ARHGAP15: variants seen among roughly 807,000 people sequenced by gnomAD.
ARHGAP15 encodes rho GTPase-activating protein 15.
ARHGAP15 carries 51 observed loss-of-function variants against 63.7 expected under a neutral mutation model. The ratio of observed to expected loss-of-function variants is 0.80; its 90% CI spans 0.64 to 1.01. ARHGAP15 has a LOEUF of 1.01. ARHGAP15 is among the 50% of genes least tolerant of loss of function. ARHGAP15 has a pLI of 0.00. For synonymous variants in ARHGAP15, 191 were observed against 193.8 expected (o/e 0.99, Z 0.12); for missense variants, 560 against 564.6 (o/e 0.99, Z 0.08).
At chr2:143,265,967 G>A (rs948275139) in intron 6 of ARHGAP15, among the ~76,000 whole-genome samples, 1 of 151,864 alleles carries the variant, frequency 6.6e-6, no homozygotes, top group Non-Finnish European at 1.5e-5. Flanking sequence ...GTTAACTTCA[G>A]GAATAGAAAC....
intron 2 of ARHGAP15, among the ~76,000 whole-genome samples, chr2:143,185,006 T>G (rs1415053106): frequency 6.6e-6 from 1 of 152,162 alleles, no homozygotes; most frequent in African/African-American, 2.4e-5. Flanking sequence ...CTACAGAAAT[T>G]ACTCAAGAAA....
At chr2:143,315,879 G>GT (rs1683678851) in intron 6 of ARHGAP15, among the ~76,000 whole-genome samples, 1 of 142,348 alleles carries the variant, frequency 7.0e-6, no homozygotes, top group African/African-American at 3.1e-5. Context: ...GAAGTCAGGA[G>GT]TTCAAGATCA....
At chr2:143,670,593 C>G (rs1364928475) in intron 12 of ARHGAP15, among the ~76,000 whole-genome samples, 1 of 152,138 alleles carries the variant, frequency 6.6e-6, no homozygotes, top group Non-Finnish European at 1.5e-5. Context: ...TGGCATCCTG[C>G]TCTTTGTTCA....
At chr2:143,610,075 T>C (rs1447639684) in intron 11 of ARHGAP15, among the ~76,000 whole-genome samples, 1 of 152,028 alleles carries the variant, frequency 6.6e-6, no homozygotes, top group Non-Finnish European at 1.5e-5. Context: ...TCGAGTATAC[T>C]AGTATAATGG....
intron 11 of ARHGAP15, among the ~76,000 whole-genome samples, chr2:143,606,551 A>G (rs1167302183): frequency 1.3e-5 from 2 of 152,190 alleles, no homozygotes; most frequent in Non-Finnish European, 2.9e-5. Flanking sequence ...AGAGTAGTTA[A>G]AAGTAAAATG....
At chr2:143,436,072 TATA>T (rs777830602) in intron 7 of ARHGAP15, among the ~76,000 whole-genome samples, 23 of 152,160 alleles carry the variant, frequency 1.5e-4, no homozygotes, top group South Asian at 2.1e-4. Context: ...GACTCACTGT[TATA>T]ATACCAATAA....
intron 6 of ARHGAP15, among the ~76,000 whole-genome samples, chr2:143,312,828 T>C (rs1325252627): frequency 6.6e-6 from 1 of 152,190 alleles, no homozygotes; most frequent in Non-Finnish European, 1.5e-5. Flanking sequence ...ATTGCCATTG[T>C]AGTTAACAAA....
At chr2:143,730,537 G>T (rs1685480781) in intron 13 of ARHGAP15, among the ~76,000 whole-genome samples, 1 of 152,134 alleles carries the variant, frequency 6.6e-6, no homozygotes, top group Non-Finnish European at 1.5e-5. Context: ...TTCTGAAAAT[G>T]AGTGAACTAA....
intron 6 of ARHGAP15, among the ~76,000 whole-genome samples, chr2:143,333,781 T>A (rs1574291723): frequency 6.6e-6 from 1 of 152,096 alleles, no homozygotes; most frequent in Non-Finnish European, 1.5e-5. Context: ...TCGGGAAATA[T>A]AGATATAGAA....
intron 13 of ARHGAP15, among the ~76,000 whole-genome samples, chr2:143,735,883 G>A (rs1416278575): frequency 6.6e-6 from 1 of 152,168 alleles, no homozygotes; most frequent in Non-Finnish European, 1.5e-5. Context: ...TCACATTAAG[G>A]AGCGCTGGTG....
chr2:143,521,305 C>T (rs1047718552), intron 10 of ARHGAP15, among the ~76,000 whole-genome samples: 2 of 152,144 alleles, frequency 1.3e-5, no homozygotes, highest in Non-Finnish European at 2.9e-5. Flanking sequence ...ACAAGATAAA[C>T]CTCTCACATC....
chr2:143,766,108 C>T (rs1686938706), intron 13 of ARHGAP15, among the ~76,000 whole-genome samples: 1 of 151,466 alleles, frequency 6.6e-6, no homozygotes, highest in South Asian at 2.1e-4. Context: ...CTCTTGGTCA[C>T]AAAAGTGGTT....
Position 143,530,403 on chromosome 2 carries a change from A to T in ARHGAP15, c.925+11039A>T, listed in dbSNP as rs1015852277. On this transcript the variant is annotated intron_variant, in intron 10 of 13. Coordinates refer to ENST00000295095, the MANE Select transcript of ARHGAP15 (RefSeq NM_018460.4). ...CAAAACATACTTTCTCATTTTTAAT[A>T]GGGAGAAACCAGTCTCTCAACAAAT... Among the ~76,000 whole-genome samples, 57 of 152,298 alleles carry T rather than the reference A, an allele frequency of 3.7e-4. 1 individual carries two copies. Among genetic ancestry groups the T allele is most frequent in the African/African-American group, 1.4e-3 (57 of 41,572 alleles).
chr2:143,529,628 A>G (rs779002606), intron 10 of ARHGAP15, among the ~76,000 whole-genome samples: 4 of 152,170 alleles, frequency 2.6e-5, no homozygotes, highest in Non-Finnish European at 4.4e-5. Flanking sequence ...TCTATGCTCC[A>G]GGAATACCAA....
At chr2:143,499,131 C>A (rs1692942664) in intron 9 of ARHGAP15, among the ~76,000 whole-genome samples, 1 of 152,152 alleles carries the variant, frequency 6.6e-6, no homozygotes, top group South Asian at 2.1e-4. Flanking sequence ...GGAAGAAATG[C>A]AAACCAGACT....
At chr2:143,252,419 T>C (rs1299513800) in intron 6 of ARHGAP15, among the ~76,000 whole-genome samples, 1 of 152,070 alleles carries the variant, frequency 6.6e-6, no homozygotes, top group Non-Finnish European at 1.5e-5. Context: ...CTTCCAAAGA[T>C]ATTAAAAACT....
intron 6 of ARHGAP15, among the ~76,000 whole-genome samples, chr2:143,256,757 A>C (rs1218772155): frequency 6.6e-6 from 1 of 152,080 alleles, no homozygotes; most frequent in Non-Finnish European, 1.5e-5. Flanking sequence ...GGGAGGCATA[A>C]AATTTTATAA....
At chr2:143,350,838 C>CAAAAA (rs59616405) in intron 6 of ARHGAP15, 20 of 57,754 alleles carry the variant, frequency 3.5e-4, no homozygotes, top group East Asian at 9.7e-4. Flanking sequence ...GACTCAGTCT[C>CAAAAA]AAAAAAAAAA....
chr2:143,194,165 G>A (rs1285625137), intron 2 of ARHGAP15, among the ~76,000 whole-genome samples: 3 of 152,078 alleles, frequency 2.0e-5, no homozygotes, highest in Non-Finnish European at 4.4e-5. Context: ...TTTCTATGTT[G>A]CTTTCTTATG....
Sources: gnomAD v4.1 joint callset for allele counts (sites outside exome capture counted in the v4.1 genomes callset) on GRCh38, gnomAD v4.1.1 for gene constraint, MANE v1.5 for transcripts, NCBI Gene and HGNC (gene_info 2026-07-23, HGNC 2026-07-21) for gene names.